BCAP29: variants seen among roughly 807,000 people sequenced by gnomAD.
The protein encoded by BCAP29 is B-cell receptor-associated protein 29.
BCAP29 carries 34 observed loss-of-function variants against 31.8 expected under a neutral mutation model. The observed-to-expected ratio is 1.07, with a 90% CI of 0.81 to 1.42. BCAP29 has a LOEUF of 1.42. Ranked by LOEUF, BCAP29 falls within the 40% of genes most tolerant of loss-of-function variation. The pLI is 0.00. For missense variants in BCAP29, 314 were observed against 269.2 expected (o/e 1.17, Z -1.16); for synonymous variants, 104 against 91.3 (o/e 1.14, Z -0.79).
Position 107,599,285 on chromosome 7 carries a change from T to A in BCAP29, c.481-1112T>A, listed in dbSNP as rs377639451. 5.6e-3 allele frequency among the ~76,000 whole-genome samples: 319 copies of A among 56,486 alleles called. 14 individuals carry two copies. Among genetic ancestry groups the A allele is most frequent in the African/African-American group, 0.022 (214 of 9,918 alleles). 37.1% of individuals were successfully genotyped at this position (56,486 alleles called of 152,430 possible). On this transcript the variant is annotated intron_variant, in intron 5 of 7. Coordinates refer to ENST00000005259, the MANE Select transcript of BCAP29 (RefSeq NM_018844.4). ...TTATATATATATTTATATATAATTT[T>A]TATATATAAATTATATATAAATTTT...
At chr7:107,582,616 A>AGT (rs936861702) in intron 2 of BCAP29, among the ~76,000 whole-genome samples, 11 of 152,258 alleles carry the variant, frequency 7.2e-5, no homozygotes, top group African/African-American at 2.6e-4. Flanking sequence ...AGGTAGTACT[A>AGT]GTGTCTACCC....
intron 2 of BCAP29, 77 bp from the exon 3 acceptor site, chr7:107,583,805 T>TGTAGCATTTAG: frequency 1.6e-6 from 1 of 610,972 alleles, no homozygotes; most frequent in Non-Finnish European, 2.7e-6. Context: ...TACTAAAATG[T>TGTAGCATTTAG]TACTTCAGTA....
intron 6 of BCAP29, among the ~76,000 whole-genome samples, chr7:107,603,680 A>C (rs932151035): frequency 2.2e-5 from 3 of 139,262 alleles, no homozygotes; most frequent in African/African-American, 8.4e-5. Flanking sequence ...GTCTTGGCTT[A>C]CTGCAACCTC....
downstream of BCAP29, chr7:107,622,941 A>ATT (rs577844163): frequency 1.3e-5 from 2 of 151,226 alleles, no homozygotes; most frequent in African/African-American, 4.9e-5. Flanking sequence ...CCAGTTTTGT[A>ATT]TTTTTTTTTA....
At chr7:107,618,166 T>G (rs1423103035) in intron 7 of BCAP29, among the ~76,000 whole-genome samples, 162 bp from the exon 8 acceptor site, 2 of 152,220 alleles carry the variant, frequency 1.3e-5, no homozygotes, top group Admixed American at 1.3e-4. Flanking sequence ...AACCACAAAT[T>G]TTATAGTTTT....
At chr7:107,604,763 T>C (rs1433866021) in intron 6 of BCAP29, among the ~76,000 whole-genome samples, 1 of 151,396 alleles carries the variant, frequency 6.6e-6, no homozygotes, top group Non-Finnish European at 1.5e-5. Context: ...TTTGTTTTCA[T>C]GTCTGGAAGT....
chr7:107,616,440 G>C (rs762785303), intron 7 of BCAP29: 9 of 152,078 alleles, frequency 5.9e-5, no homozygotes, highest in Non-Finnish European at 7.3e-5. Context: ...TAATATCTCT[G>C]TTGGAAGGAA....
chr7:107,580,708 C>T, intron 1 of BCAP29, 51 bp from the exon 2 acceptor site: 1 of 1,358,096 alleles, frequency 7.4e-7, no homozygotes, highest in Non-Finnish European at 1.0e-6. Context: ...GGGCCTTGAA[C>T]CCGGTTTTGT....
rs1808591996 is a variant in BCAP29 at position 107,590,833 on chromosome 7, A to AAG, written c.194-3121_194-3120insGA. On this transcript the variant is annotated intron_variant, in intron 3 of 7. Transcript: ENST00000005259. ...GACCCTGTCTCAGAAAAAAAAAAAA[A>AAG]AAAGAAAGAAAGAAAGAAAGAAATA... Among the ~76,000 whole-genome samples, 9 of 137,882 alleles carry AAG rather than the reference A, an allele frequency of 6.5e-5. 2 individuals carry two copies. The highest frequency in any genetic ancestry group is 1.7e-4 in the African/African-American group (6 of 36,262). The allele number at this position is 137,882 out of a possible 152,430, so 90.5% of individuals were successfully genotyped here.
chr7:107,591,294 C>A (rs1035970003), intron 3 of BCAP29, among the ~76,000 whole-genome samples: 1 of 152,124 alleles, frequency 6.6e-6, no homozygotes, highest in African/African-American at 2.4e-5. Flanking sequence ...ACTCATAAAA[C>A]AGTCAAAAAA....
At chr7:107,587,738 A>G (rs182892722) in intron 3 of BCAP29, 3 of 152,276 alleles carry the variant, frequency 2.0e-5, no homozygotes, top group Admixed American at 2.0e-4. Flanking sequence ...TGATTTACCA[A>G]ATGAACACCA....
chr7:107,601,726 C>T (rs893865634), intron 6 of BCAP29, among the ~76,000 whole-genome samples: 2 of 152,168 alleles, frequency 1.3e-5, no homozygotes, highest in Non-Finnish European at 2.9e-5. Context: ...TCTTTTTTAA[C>T]CCTGCATAAA....
At chr7:107,583,260 C>T (rs954860026) in intron 2 of BCAP29, among the ~76,000 whole-genome samples, 1 of 151,772 alleles carries the variant, frequency 6.6e-6, no homozygotes, top group African/African-American at 2.4e-5. Flanking sequence ...CATCTCATTT[C>T]CTCTATGTTC....
chr7:107,582,092 T>C (rs1806785831), intron 2 of BCAP29, among the ~76,000 whole-genome samples: 2 of 152,238 alleles, frequency 1.3e-5, no homozygotes, highest in African/African-American at 4.8e-5. Flanking sequence ...TTTGGTAATA[T>C]TTGCAATGAT....
At chr7:107,581,500 A>T (rs1447824506) in intron 2 of BCAP29, among the ~76,000 whole-genome samples, 1 of 152,238 alleles carries the variant, frequency 6.6e-6, no homozygotes, top group Non-Finnish European at 1.5e-5. Flanking sequence ...TTTCAAGCCA[A>T]GCAGTGGTTC....
chr7:107,614,912 C>T (rs1188764612), intron 7 of BCAP29, among the ~76,000 whole-genome samples: 1 of 152,184 alleles, frequency 6.6e-6, no homozygotes, highest in Non-Finnish European at 1.5e-5. Flanking sequence ...CTTTCAAGGT[C>T]CACCTTGGAA....
chr7:107,613,496 T>C, intron 7 of BCAP29, 64 bp downstream of exon 7: 1 of 1,382,334 alleles, frequency 7.2e-7, no homozygotes, highest in Non-Finnish European at 1.0e-6. Flanking sequence ...AAGTAAATTA[T>C]TTGGGTTATT....
intron 3 of BCAP29, among the ~76,000 whole-genome samples, chr7:107,591,585 T>G (rs1020706297): frequency 3.1e-5 from 4 of 130,038 alleles, no homozygotes; most frequent in African/African-American, 6.2e-5. Flanking sequence ...TCTCGAGCTC[T>G]CTCTCTCTCT....
At chr7:107,593,924 A>G (rs763552601) in intron 3 of BCAP29, 31 bp from the exon 4 acceptor site, 17 of 1,556,206 alleles carry the variant, frequency 1.1e-5, no homozygotes, top group Admixed American at 2.1e-5. Context: ...CGTAAAAGCC[A>G]AAAGTACTGT....
Sources: gnomAD v4.1 joint callset for allele counts (sites outside exome capture counted in the v4.1 genomes callset) on GRCh38, gnomAD v4.1.1 for gene constraint, MANE v1.5 for transcripts, NCBI Gene and HGNC (gene_info 2026-07-23, HGNC 2026-07-21) for gene names.